The following SLC24A2 variants were observed in gnomAD, a reference collection of about 807,000 sequenced individuals.
SLC24A2 encodes the protein solute carrier family 24 member 2.
In SLC24A2, 36 loss-of-function variants were observed where a neutral mutation model predicts 62.0. That is an observed-to-expected ratio of 0.58 (90% CI 0.44 to 0.77). The LOEUF (loss-of-function observed/expected upper bound fraction) is 0.77. Among genes scored for constraint, SLC24A2 ranks in the 30% least tolerant of loss-of-function variants. SLC24A2 has a pLI of 0.00. For missense variants in SLC24A2, 846 were observed against 817.9 expected (o/e 1.03, Z -0.42); for synonymous variants, 358 against 294.0 (o/e 1.22, Z -2.23).
the SLC24A2 span, among the ~76,000 whole-genome samples, chr9:20,284,016 C>A: frequency 1.3e-5 from 2 of 152,126 alleles, no homozygotes; most frequent in Non-Finnish European, 2.9e-5. Flanking sequence ...ATTCAATGAA[C>A]ATTTTTAATG....
At chr9:20,013,157 A>G in the SLC24A2 span, among the ~76,000 whole-genome samples, 2 of 152,154 alleles carry the variant, frequency 1.3e-5, no homozygotes, top group African/African-American at 4.8e-5. Context: ...CAAACATATT[A>G]TAATGTGATT....
At chr9:20,105,095 C>A in the SLC24A2 span, among the ~76,000 whole-genome samples, 1 of 152,074 alleles carries the variant, frequency 6.6e-6, no homozygotes, top group South Asian at 2.1e-4. Context: ...TCAAAAGAGA[C>A]AAAGAAGGCC....
chr9:19,685,962 T>C (rs1819868593), intron 2 of SLC24A2, among the ~76,000 whole-genome samples: 1 of 152,040 alleles, frequency 6.6e-6, no homozygotes, highest in Admixed American at 6.6e-5. Context: ...CAAAACACAC[T>C]ATCAACAGAG....
At chr9:19,909,839 C>T in the SLC24A2 span, among the ~76,000 whole-genome samples, 1 of 152,028 alleles carries the variant, frequency 6.6e-6, no homozygotes, top group Non-Finnish European at 1.5e-5. Context: ...ATTGGGGTGG[C>T]ATGTTCTAAT....
the SLC24A2 span, among the ~76,000 whole-genome samples, chr9:20,108,106 C>A: frequency 6.6e-6 from 1 of 152,160 alleles, no homozygotes. Flanking sequence ...AAATGCTCAC[C>A]ATCGCTGGCC....
the SLC24A2 span, among the ~76,000 whole-genome samples, chr9:19,867,932 A>C: frequency 1.3e-5 from 2 of 151,762 alleles, no homozygotes; most frequent in African/African-American, 2.4e-5. Flanking sequence ...AAAACAAACA[A>C]AAAAAAACTT....
chr9:20,093,102 G>T, the SLC24A2 span, among the ~76,000 whole-genome samples: 46 of 150,982 alleles, frequency 3.0e-4, no homozygotes, highest in African/African-American at 5.1e-4. Flanking sequence ...ACCGAGTTTC[G>T]ATCTCGTTGC....
intron 10 of SLC24A2, among the ~76,000 whole-genome samples, chr9:19,520,043 C>T (rs1833114571): frequency 6.6e-6 from 1 of 152,106 alleles, no homozygotes; most frequent in African/African-American, 2.4e-5. Context: ...AAAACATACA[C>T]ACAGTGCACA....
At position 19,667,982 on chromosome 9, in the gene SLC24A2, C is replaced by A. The variant is rs368686253; in HGVS notation, c.931-45683G>T. On this transcript the variant is annotated intron_variant, in intron 2 of 10. Coordinates refer to ENST00000341998, the MANE Select transcript of SLC24A2 (RefSeq NM_020344.4). ...GCCCTTTTGTATCTTGACCTTCTTT[C>A]TATTCCTGTACATTTCTTACTGTAT... Among the ~76,000 whole-genome samples, 271 of 152,278 alleles carry A rather than the reference C, an allele frequency of 1.8e-3. 1 individual carries two copies. The highest frequency in any genetic ancestry group is 6.4e-3 in the African/African-American group (264 of 41,564).
the SLC24A2 span, among the ~76,000 whole-genome samples, chr9:20,203,509 C>G: frequency 2.0e-5 from 3 of 152,232 alleles, no homozygotes; most frequent in African/African-American, 4.8e-5. Flanking sequence ...TAGATGACTT[C>G]TAAATTCTCT....
At chr9:19,926,441 G>GC in the SLC24A2 span, 3 of 152,226 alleles carry the variant, frequency 2.0e-5, no homozygotes, top group African/African-American at 4.8e-5. Context: ...GCTGCCAAGC[G>GC]CAAGCATTCG....
At chr9:19,882,406 CT>C in the SLC24A2 span, among the ~76,000 whole-genome samples, 230 of 152,054 alleles carry the variant, frequency 1.5e-3, no homozygotes, top group Non-Finnish European at 2.6e-3. Flanking sequence ...GTTCTTTGCC[CT>C]TTTTTGGTTT....
At position 19,508,096 on chromosome 9, in the gene SLC24A2, C is replaced by G. The variant is rs1329075468; in HGVS notation, c.*8057G>C. 3 of 152,212 alleles carry G rather than the reference C, an allele frequency of 2.0e-5. No individual in the cohort carries two copies. The highest frequency in any genetic ancestry group is 7.2e-5 in the African/African-American group (3 of 41,450). 9.4% of individuals were successfully genotyped at this position (152,212 alleles called of 1,614,324 possible). On this transcript the variant is annotated 3_prime_UTR_variant, in exon 11 of 11. Transcript: ENST00000341998. ...GGAAGGTAGCTTTTGCTATTCTTAG[C>G]TTTGATGGCTTTTTAAGTATGTGGA...
the SLC24A2 span, among the ~76,000 whole-genome samples, chr9:19,997,182 T>C: frequency 6.6e-6 from 1 of 152,220 alleles, no homozygotes; most frequent in South Asian, 2.1e-4. Flanking sequence ...TTTTACTGTT[T>C]CTTCTTAATA....
intron 7 of SLC24A2, 61 bp from the exon 8 acceptor site, chr9:19,550,329 C>A (rs1834782871): frequency 1.9e-6 from 3 of 1,549,732 alleles, no homozygotes; most frequent in African/African-American, 1.4e-5. Flanking sequence ...ACAGGCACAA[C>A]AACAGGAGCA....
chr9:20,284,622 T>C, the SLC24A2 span, among the ~76,000 whole-genome samples: 1 of 152,152 alleles, frequency 6.6e-6, no homozygotes, highest in Non-Finnish European at 1.5e-5. Context: ...AAGAGATTTT[T>C]TTAAAGAGAA....
chr9:19,772,707 G>A (rs935830648), intron 2 of SLC24A2, among the ~76,000 whole-genome samples: 5 of 152,180 alleles, frequency 3.3e-5, no homozygotes, highest in South Asian at 2.1e-4. Flanking sequence ...AACAAATGTC[G>A]GCAAAGATGT....
intron 7 of SLC24A2, among the ~76,000 whole-genome samples, chr9:19,557,994 T>C (rs1183938762): frequency 2.0e-5 from 3 of 152,130 alleles, no homozygotes; most frequent in Non-Finnish European, 4.4e-5. Context: ...TTTTGTTTAT[T>C]TTTTGTAGAG....
chr9:19,588,095 C>T (rs1836428567), intron 5 of SLC24A2, among the ~76,000 whole-genome samples: 2 of 152,068 alleles, frequency 1.3e-5, no homozygotes, highest in Non-Finnish European at 2.9e-5. Flanking sequence ...TAAGATCCAG[C>T]CCCAGGGAGA....
Sources: gnomAD v4.1 joint callset for allele counts (sites outside exome capture counted in the v4.1 genomes callset) on GRCh38, gnomAD v4.1.1 for gene constraint, MANE v1.5 for transcripts, NCBI Gene and HGNC (gene_info 2026-07-23, HGNC 2026-07-21) for gene names.